Variants in POTEB3 observed in about 807,000 individuals in gnomAD.
The protein encoded by POTEB3 is ANKRD26-like family B member 1.
Under a neutral mutation model 39.8 loss-of-function variants are expected in POTEB3, and 5 were observed. The observed-to-expected ratio is 0.13, with a 90% CI of 0.07 to 0.26. POTEB3 has a LOEUF of 0.26. POTEB3 is among the 10% of genes least tolerant of loss of function. The pLI is 1.00. For missense variants in POTEB3, 24 were observed against 475.6 expected, an observed-to-expected ratio of 0.05 and a Z score of 8.83; for synonymous variants, 5 against 161.5, an observed-to-expected ratio of 0.03 and a Z score of 7.35.
At position 21,420,887 on chromosome 15, in the gene POTEB3, A is replaced by C. The variant is rs1898486069; in HGVS notation, c.1198-169T>G. Among the ~76,000 whole-genome samples the C allele has an allele frequency of 3.3e-5, 2 of 60,506 alleles. 1 individual carries two copies. The highest frequency in any genetic ancestry group is 1.7e-4 in the African/African-American group (2 of 11,504). The allele number at this position is 60,506 out of a possible 152,430, so 39.7% of individuals were successfully genotyped here. A position where few individuals can be genotyped will look rare whatever the true frequency, so the allele number is the denominator to read the frequency against. On this transcript the variant is annotated intron_variant, in intron 7 of 10. Coordinates refer to ENST00000611217, the MANE Select transcript of POTEB3 (RefSeq NM_207355.5). Reference sequence around the variant, plus strand: ...AAAATAATTAAATAAATAAATAATTAAAATTAAGAATTAACTTTTTAATCT... The same window carrying C: ...AAAATAATTAAATAAATAAATAATTCAAATTAAGAATTAACTTTTTAATCT...
intron 9 of POTEB3, among the ~76,000 whole-genome samples, chr15:21,419,182 A>T (rs1898449054): frequency 4.3e-4 from 1 of 2,324 alleles, no homozygotes; most frequent in African/African-American, 3.5e-3. Flanking sequence ...AACCTCCATG[A>T]CACAGTTTAC....
At position 21,422,282 on chromosome 15, in the gene POTEB3, TA is replaced by T; in HGVS notation, c.1127-93del. On this transcript the variant is annotated intron_variant, in intron 6 of 10. Coordinates refer to ENST00000611217, the MANE Select transcript of POTEB3 (RefSeq NM_207355.5). ...TAAAAATAGATTGAAGACAACATTT[TA>T]TTTTATTTCATAAACTGAGTGTTTA... 2.0e-6 allele frequency: 3 copies of T among 1,476,752 alleles called. No individual in the cohort carries two copies. The South Asian group carries it at 3.8e-5, about 19-fold the overall frequency. The allele number at this position is 1,476,752 out of a possible 1,614,324, so 91.5% of individuals were successfully genotyped here.
chr15:21,422,232 GAAC>G (rs1898536557), intron 6 of POTEB3, 42 bp from the exon 7 acceptor site: 3 of 1,585,768 alleles, frequency 1.9e-6, no homozygotes, highest in Non-Finnish European at 2.6e-6. Flanking sequence ...GAACCACTTA[GAAC>G]AGTTAAAAAC....
intron 5 of POTEB3, among the ~76,000 whole-genome samples, chr15:21,429,243 T>C (rs1316047708): frequency 1.3e-5 from 2 of 151,528 alleles, no homozygotes; most frequent in Non-Finnish European, 2.9e-5. Context: ...AAGGCTCATA[T>C]GGGACTTTCT....
rs1360250500 is a variant in POTEB3 at position 21,414,371 on chromosome 15, C to T, written c.1410-3370G>A. ...GCTATTATTAACCAATTCATCTTGA[C>T]CAAAATTTTAAAATGAAGTCTACAA... On this transcript the variant is annotated intron_variant, in intron 9 of 10. Transcript: ENST00000611217. 6.3e-4 allele frequency among the ~76,000 whole-genome samples: 78 copies of T among 124,542 alleles called. No individual in the cohort carries two copies. The South Asian group carries it at 0.017, about 27-fold the overall frequency. The allele number at this position is 124,542 out of a possible 152,430, so 81.7% of individuals were successfully genotyped here.
At position 21,410,756 on chromosome 15, in the gene POTEB3, C is replaced by T. The variant is rs1898306296; in HGVS notation, c.1533+122G>A. ...GTGTGTGTGTGTGTATATATACACA[C>T]ACACAGACACACACACACGTGTGTA... On this transcript the variant is annotated intron_variant, in intron 10 of 10. Coordinates refer to ENST00000611217, the MANE Select transcript of POTEB3 (RefSeq NM_207355.5). 39 of 639,660 alleles carry T rather than the reference C, an allele frequency of 6.1e-5. 9 individuals carry two copies. The highest frequency in any genetic ancestry group is 2.9e-4 in the African/African-American group (4 of 14,018). The allele number at this position is 639,660 out of a possible 1,614,324, so 39.6% of individuals were successfully genotyped here.
At chr15:21,423,040 T>A (rs1326606640) in intron 6 of POTEB3, among the ~76,000 whole-genome samples, 7 of 148,218 alleles carry the variant, frequency 4.7e-5, no homozygotes, top group Non-Finnish European at 9.0e-5. Flanking sequence ...TTTATTAGTG[T>A]ACAATGTCTT....
chr15:21,408,053 C>G lies in POTEB3; in HGVS notation c.*930G>C. ...ATGTAATCACCCCAGGATGGAGGGT[C>G]TGTGCTGTGGGCCCAAGCCAGGGTT... On this transcript the variant is annotated 3_prime_UTR_variant, in exon 11 of 11. Transcript: ENST00000611217. Among the ~76,000 whole-genome samples, 1 of 81,700 alleles carries G rather than the reference C, an allele frequency of 1.2e-5. No individual in the cohort carries two copies. The allele number at this position is 81,700 out of a possible 152,430, so 53.6% of individuals were successfully genotyped here.
At chr15:21,419,924 C>A (rs1269991047) in intron 8 of POTEB3, among the ~76,000 whole-genome samples, 1 of 127,588 alleles carries the variant, frequency 7.8e-6, no homozygotes, top group Non-Finnish European at 1.7e-5. Flanking sequence ...TGCTTTTATT[C>A]CCAAAAACTC....
At chr15:21,417,877 C>A (rs1474759986) in intron 9 of POTEB3, among the ~76,000 whole-genome samples, 2 of 108,810 alleles carry the variant, frequency 1.8e-5, no homozygotes, top group Non-Finnish European at 3.6e-5. Flanking sequence ...GATACTGTCA[C>A]ACATGCTGGG....
chr15:21,422,779 G>C (rs1319558333), intron 6 of POTEB3, among the ~76,000 whole-genome samples: 1 of 151,578 alleles, frequency 6.6e-6, no homozygotes, highest in Non-Finnish European at 1.5e-5. Context: ...CAATGCAGCT[G>C]CAAGGTCGCA....
chr15:21,433,470 A>C (rs1899057675), intron 3 of POTEB3, among the ~76,000 whole-genome samples: 2 of 149,644 alleles, frequency 1.3e-5, no homozygotes, highest in Non-Finnish European at 3.0e-5. Context: ...CCTAGACCTG[A>C]AGATTATTTA....
rs1263099910 is a variant in POTEB3 at position 21,413,889 on chromosome 15, A to G, written c.1410-2888T>C. Among the ~76,000 whole-genome samples, 3 of 75,196 alleles carry G rather than the reference A, an allele frequency of 4.0e-5. 1 individual carries two copies. The highest frequency in any genetic ancestry group is 7.0e-5 in the Non-Finnish European group (3 of 43,148). The allele number at this position is 75,196 out of a possible 152,430, so 49.3% of individuals were successfully genotyped here. A position where few individuals can be genotyped will look rare whatever the true frequency, so the allele number is the denominator to read the frequency against. ...AGATTTGGGTGGAAACACAAAGCGA[A>G]ACTATTGGGGGGGGGTGTATCCTTA... On this transcript the variant is annotated intron_variant, in intron 9 of 10. Coordinates refer to ENST00000611217, the MANE Select transcript of POTEB3 (RefSeq NM_207355.5).
chr15:21,408,125 A>G lies in POTEB3; in HGVS notation c.*858T>C, dbSNP rs201798108. 2.4e-5 allele frequency: 2 copies of G among 82,342 alleles called. 1 individual carries two copies. The highest frequency in any genetic ancestry group is 4.4e-5 in the Non-Finnish European group (2 of 45,844). 5.1% of individuals were successfully genotyped at this position (82,342 alleles called of 1,614,324 possible). ...AAGGGGTGTGTTGTACCCGTGGAAG[A>G]TGGACTGACTTGTTCCTTGTGTCAA... On this transcript the variant is annotated 3_prime_UTR_variant, in exon 11 of 11. Coordinates refer to ENST00000611217, the MANE Select transcript of POTEB3 (RefSeq NM_207355.5).
chr15:21,426,246 T>C, intron 6 of POTEB3: 1 of 443,372 alleles, frequency 2.3e-6, no homozygotes, highest in Non-Finnish European at 4.5e-6. Flanking sequence ...TCTGCTTCTT[T>C]ACCTAGAAAA....
Position 21,434,032 on chromosome 15 carries a change from C to CA in POTEB3, c.810+628dup, listed in dbSNP as rs1305982103. Reference sequence around the variant, plus strand: ...ACAAATGAATGAACAACAATAACAACACACACACACACACACACACACACA... The same window carrying CA: ...ACAAATGAATGAACAACAATAACAACAACACACACACACACACACACACACA... On this transcript the variant is annotated intron_variant, in intron 3 of 10. Transcript: ENST00000611217. 6.1e-5 allele frequency among the ~76,000 whole-genome samples: 5 copies of CA among 82,020 alleles called. No individual in the cohort carries two copies. In the East Asian group the frequency reaches 1.1e-3, roughly 19 times the overall value. 53.8% of individuals were successfully genotyped at this position (82,020 alleles called of 152,430 possible).
chr15:21,425,001 C>T (rs1195190960), intron 6 of POTEB3: 1 of 147,992 alleles, frequency 6.8e-6, no homozygotes, highest in African/African-American at 2.5e-5. Context: ...CAAAAAAAGG[C>T]CAACACATTA....
chr15:21,422,685 TC>T (rs1243749750), intron 6 of POTEB3, among the ~76,000 whole-genome samples: 1 of 148,552 alleles, frequency 6.7e-6, no homozygotes, highest in Non-Finnish European at 1.5e-5. Context: ...GAAAACAAAT[TC>T]CTTTACCATC....
intron 6 of POTEB3, chr15:21,425,141 C>T (rs1186400340): frequency 2.8e-5 from 4 of 140,958 alleles, no homozygotes; most frequent in African/African-American, 5.4e-5. Flanking sequence ...TCCTTTGTCT[C>T]CTGGTTTCTT....
Sources: gnomAD v4.1 joint callset for allele counts (sites outside exome capture counted in the v4.1 genomes callset) on GRCh38, gnomAD v4.1.1 for gene constraint, MANE v1.5 for transcripts, NCBI Gene and HGNC (gene_info 2026-07-23, HGNC 2026-07-21) for gene names.